Variants in CLASP1 observed in about 807,000 individuals in gnomAD.
CLASP1 encodes CLIP-associating protein 1.
In CLASP1, 38 loss-of-function variants were observed where a neutral mutation model predicts 192.3. That is an observed-to-expected ratio of 0.20 (90% CI 0.15 to 0.26). The LOEUF (loss-of-function observed/expected upper bound fraction) is 0.26, where lower values mean the gene tolerates loss of function less well. Ranked by LOEUF, CLASP1 falls within the 10% of genes least tolerant of loss-of-function variation. CLASP1 has a pLI of 1.00. For missense variants in CLASP1, 1,433 were observed against 1,932.5 expected, an observed-to-expected ratio of 0.74 and a Z score of 4.85; for synonymous variants, 691 against 712.8, an observed-to-expected ratio of 0.97 and a Z score of 0.49.
intron 34 of CLASP1, among the ~76,000 whole-genome samples, chr2:121,368,812 C>T (rs1446235767): frequency 3.3e-5 from 5 of 152,224 alleles, no homozygotes; most frequent in South Asian, 4.2e-4. Flanking sequence ...CACTTTTTTC[C>T]GGTTTTGGAA....
intron 2 of CLASP1, among the ~76,000 whole-genome samples, chr2:121,572,087 C>T (rs1365215783): frequency 1.3e-5 from 2 of 151,986 alleles, no homozygotes; most frequent in East Asian, 3.9e-4. Flanking sequence ...ATAGCAGAGG[C>T]AGAATTAGAA....
chr2:121,428,137 T>A (rs2080763836), intron 20 of CLASP1, among the ~76,000 whole-genome samples: 1 of 152,188 alleles, frequency 6.6e-6, no homozygotes, highest in African/African-American at 2.4e-5. Flanking sequence ...AGTATTTTTA[T>A]AAGACTGAAA....
intron 7 of CLASP1, among the ~76,000 whole-genome samples, chr2:121,507,430 G>T (rs1221504953): frequency 2.6e-5 from 4 of 152,124 alleles, no homozygotes; most frequent in Non-Finnish European, 5.9e-5. Context: ...AATGAACAGA[G>T]TCTAAGAGAT....
chr2:121,648,111 T>TG (rs1329417849), intron 1 of CLASP1, among the ~76,000 whole-genome samples: 1 of 152,376 alleles, frequency 6.6e-6, no homozygotes, highest in African/African-American at 2.4e-5. Flanking sequence ...GCAACATCAA[T>TG]GTTGCTATTC....
chr2:121,446,834 G>A (rs1287870520), intron 19 of CLASP1, among the ~76,000 whole-genome samples: 1 of 152,196 alleles, frequency 6.6e-6, no homozygotes, highest in Non-Finnish European at 1.5e-5. Context: ...TGATTCATGA[G>A]CTCATCACAT....
intron 20 of CLASP1, among the ~76,000 whole-genome samples, chr2:121,428,421 T>A (rs185286573): frequency 7.2e-4 from 109 of 152,344 alleles, no homozygotes; most frequent in African/African-American, 2.5e-3. Context: ...TTAATTTCAT[T>A]ATATTGACCT....
At chr2:121,619,457 A>G (rs186957969) in intron 1 of CLASP1, among the ~76,000 whole-genome samples, 7 of 152,340 alleles carry the variant, frequency 4.6e-5, no homozygotes, top group Non-Finnish European at 8.8e-5. Flanking sequence ...TCCTAAGAAA[A>G]TGCAGCTGGC....
At chr2:121,635,325 T>C (rs1037623067) in intron 1 of CLASP1, among the ~76,000 whole-genome samples, 4 of 152,232 alleles carry the variant, frequency 2.6e-5, no homozygotes, top group African/African-American at 9.6e-5. Context: ...GATGTTGTTA[T>C]GTTGCTTGGA....
intron 2 of CLASP1, among the ~76,000 whole-genome samples, chr2:121,544,917 T>C (rs1484949558): frequency 6.6e-6 from 1 of 150,564 alleles, no homozygotes; most frequent in East Asian, 1.9e-4. Context: ...CTTTTTTTTT[T>C]TTTTTTATTT....
chr2:121,621,908 C>T (rs779556465), intron 1 of CLASP1, among the ~76,000 whole-genome samples: 5 of 152,086 alleles, frequency 3.3e-5, no homozygotes, highest in Non-Finnish European at 5.9e-5. Flanking sequence ...AGAGCAGTGG[C>T]GTGATCTCGG....
Position 121,377,666 on chromosome 2 carries a change from T to C in CLASP1, c.3492-17A>G, listed in dbSNP as rs775701014. The C allele has an allele frequency of 6.5e-7, 1 of 1,527,690 alleles. No individual in the cohort carries two copies. The highest frequency in any genetic ancestry group is 2.1e-5 in the Admixed American group (1 of 47,206). 94.6% of individuals were successfully genotyped at this position (1,527,690 alleles called of 1,614,324 possible). ...TCCAGCATGCTAAAGATAAAAAATA[T>C]TTTATTTCTTAAATCGAGGCATATA... On this transcript the variant is annotated splice_polypyrimidine_tract_variant and intron_variant, in intron 33 of 39. Transcript: ENST00000263710.
At chr2:121,547,006 C>G (rs1449420607) in intron 2 of CLASP1, among the ~76,000 whole-genome samples, 2 of 152,216 alleles carry the variant, frequency 1.3e-5, no homozygotes, top group Non-Finnish European at 2.9e-5. Flanking sequence ...GCCACTATCT[C>G]TGCTGTTTTG....
intron 1 of CLASP1, among the ~76,000 whole-genome samples, chr2:121,614,915 G>C (rs946192243): frequency 1.3e-5 from 2 of 152,150 alleles, no homozygotes; most frequent in Non-Finnish European, 2.9e-5. Flanking sequence ...TGCCAAATAA[G>C]GAACGTGAAT....
intron 16 of CLASP1, among the ~76,000 whole-genome samples, chr2:121,450,510 G>T (rs951893808): frequency 5.3e-5 from 8 of 152,082 alleles, no homozygotes; most frequent in Non-Finnish European, 1.2e-4. Flanking sequence ...TCACACCAAG[G>T]AACCACAGAT....
chr2:121,477,588 T>C (rs1456489687), intron 8 of CLASP1, among the ~76,000 whole-genome samples: 1 of 152,238 alleles, frequency 6.6e-6, no homozygotes, highest in Non-Finnish European at 1.5e-5. Context: ...AAACATGAAT[T>C]CTATACACAC....
At chr2:121,512,144 G>A (rs1456523397) in intron 7 of CLASP1, among the ~76,000 whole-genome samples, 2 of 152,216 alleles carry the variant, frequency 1.3e-5, no homozygotes, top group East Asian at 3.9e-4. Context: ...CTGTCTATAA[G>A]TTAAATCATC....
At chr2:121,428,261 A>T (rs1208207991) in intron 20 of CLASP1, among the ~76,000 whole-genome samples, 5 of 152,228 alleles carry the variant, frequency 3.3e-5, no homozygotes, top group Non-Finnish European at 5.9e-5. Context: ...AGAAAATTAC[A>T]GCATTGACCT....
At chr2:121,472,364 T>C (rs1365197583) in intron 8 of CLASP1, among the ~76,000 whole-genome samples, 1 of 152,204 alleles carries the variant, frequency 6.6e-6, no homozygotes, top group East Asian at 1.9e-4. Flanking sequence ...ATAAAAGAAC[T>C]ACGTGCAGGC....
chr2:121,341,987 T>C (rs2062832975), intron 39 of CLASP1, among the ~76,000 whole-genome samples: 1 of 151,624 alleles, frequency 6.6e-6, no homozygotes, highest in African/African-American at 2.4e-5. Context: ...CCAACCATAA[T>C]GGGATGAAAT....
Sources: gnomAD v4.1 joint callset for allele counts (sites outside exome capture counted in the v4.1 genomes callset) on GRCh38, gnomAD v4.1.1 for gene constraint, MANE v1.5 for transcripts, NCBI Gene and HGNC (gene_info 2026-07-23, HGNC 2026-07-21) for gene names.